The following PTPRD variants were observed in gnomAD, a reference collection of about 807,000 sequenced individuals.
PTPRD encodes receptor-type tyrosine-protein phosphatase delta.
A neutral mutation model predicts 214.5 loss-of-function variants in PTPRD; 34 were observed. The ratio of observed to expected loss-of-function variants is 0.16; its 90% CI spans 0.12 to 0.21. The LOEUF (loss-of-function observed/expected upper bound fraction) is 0.21. PTPRD is among the 10% of genes least tolerant of loss of function. PTPRD has a pLI of 1.00. For synonymous variants in PTPRD, 1,128 were observed against 845.7 expected (o/e 1.33, Z -5.79); for missense variants, 2,545 against 2,398.7 (o/e 1.06, Z -1.27).
rs574341623 is a variant in PTPRD at position 8,703,635 on chromosome 9, A to G, written c.64+30145T>C. On this transcript the variant is annotated intron_variant, in intron 12 of 45. Coordinates refer to ENST00000381196, the MANE Select transcript of PTPRD (RefSeq NM_002839.4). ...CCCTCGACTTCTCATCCTCACCTCT[A>G]TTAATTCTATTAACTGGGGAACCCA... 3.3e-5 allele frequency among the ~76,000 whole-genome samples: 5 copies of G among 152,130 alleles called. No homozygotes were observed. In the South Asian group the frequency reaches 1.0e-3, roughly 32 times the overall value.
intron 4 of PTPRD, among the ~76,000 whole-genome samples, chr9:9,946,743 C>T (rs1032847167): frequency 2.6e-5 from 4 of 152,034 alleles, no homozygotes; most frequent in African/African-American, 9.7e-5. Flanking sequence ...TAACAGACAT[C>T]TAAGCTCTAA....
intron 3 of PTPRD, among the ~76,000 whole-genome samples, chr9:10,063,741 T>C (rs540252445): frequency 1.3e-5 from 2 of 152,118 alleles, no homozygotes; most frequent in Admixed American, 1.3e-4. Flanking sequence ...AGGTGAAAAG[T>C]ACTCCACATT....
At chr9:10,189,929 G>A (rs1175782716) in intron 3 of PTPRD, among the ~76,000 whole-genome samples, 2 of 152,104 alleles carry the variant, frequency 1.3e-5, no homozygotes, top group East Asian at 1.9e-4. Context: ...GAGCACGGAA[G>A]AGAAAGCAAG....
At chr9:9,487,578 A>T (rs2095705653) in intron 8 of PTPRD, among the ~76,000 whole-genome samples, 1 of 151,944 alleles carries the variant, frequency 6.6e-6, no homozygotes, top group South Asian at 2.1e-4. Context: ...AAAAAATCTT[A>T]GTTTTTCATT....
intron 2 of PTPRD, among the ~76,000 whole-genome samples, chr9:10,457,054 T>C (rs78449078): frequency 0.012 from 1,781 of 152,084 alleles, 33 homozygotes; most frequent in African/African-American, 0.039. Flanking sequence ...AAATATTGTA[T>C]ATTATACACA....
rs566121243 is a variant in PTPRD at position 9,634,042 on chromosome 9, T to C, written c.-286-59261A>G. 3.1e-4 allele frequency among the ~76,000 whole-genome samples: 47 copies of C among 152,258 alleles called. 1 individual carries two copies. In the South Asian group the frequency reaches 9.7e-3, roughly 32 times the overall value. ...GATATAGACAGCACATATCAGATCTTAATTCTTTTTATTTTTTACTTAAAA... is the reference window on the plus strand; with the variant it reads ...GATATAGACAGCACATATCAGATCTCAATTCTTTTTATTTTTTACTTAAAA... On this transcript the variant is annotated intron_variant, in intron 7 of 45. Transcript: ENST00000381196.
intron 11 of PTPRD, among the ~76,000 whole-genome samples, chr9:8,947,797 C>G (rs1175463562): frequency 6.6e-6 from 1 of 152,090 alleles, no homozygotes; most frequent in Non-Finnish European, 1.5e-5. Context: ...CAGGATACAA[C>G]AGACGTATTT....
At chr9:10,434,666 G>A (rs992014860) in intron 2 of PTPRD, among the ~76,000 whole-genome samples, 1 of 151,906 alleles carries the variant, frequency 6.6e-6, no homozygotes, top group African/African-American at 2.4e-5. Flanking sequence ...GAAAACAGCA[G>A]GAGTTAAATA....
intron 10 of PTPRD, among the ~76,000 whole-genome samples, chr9:9,063,644 A>G (rs1024487537): frequency 1.3e-5 from 2 of 152,204 alleles, no homozygotes; most frequent in African/African-American, 4.8e-5. Context: ...CAGGGCTCAA[A>G]AACATACAGT....
At chr9:9,609,814 G>A (rs2154343879) in intron 7 of PTPRD, among the ~76,000 whole-genome samples, 1 of 152,298 alleles carries the variant, frequency 6.6e-6, no homozygotes, top group Non-Finnish European at 1.5e-5. Context: ...ACCAAATCCT[G>A]TTAGGCTGGT....
rs375255010 is a variant in PTPRD, at chr9:10,504,064, C to A, written c.-600+108334G>T. Among the ~76,000 whole-genome samples the A allele has an allele frequency of 2.1e-4, 27 of 129,574 alleles. No individual in the cohort carries two copies. In the South Asian group the frequency reaches 7.0e-3, roughly 33 times the overall value. The allele number at this position is 129,574 out of a possible 152,430, so 85.0% of individuals were successfully genotyped here. The stretch of plus-strand genomic sequence containing the variant: ...CCGGGAGGCAGAGCTTGCAGTGAGC[C>A]GAGATCGCGCCACTGCACTCCAGCA... On this transcript the variant is annotated intron_variant, in intron 2 of 45. Coordinates refer to ENST00000381196, the MANE Select transcript of PTPRD (RefSeq NM_002839.4).
intron 43 of PTPRD, 57 bp downstream of exon 43, chr9:8,338,865 G>GAGAGAGAGAGAGAGAGAT: frequency 6.6e-7 from 1 of 1,505,916 alleles, no homozygotes; most frequent in Non-Finnish European, 9.0e-7. Context: ...GAGAGAGAGA[G>GAGAGAGAGAGAGAGAGAT]GTATCTTAGA....
chr9:8,330,150 C>T (rs1286420713), intron 44 of PTPRD, among the ~76,000 whole-genome samples: 5 of 152,120 alleles, frequency 3.3e-5, no homozygotes, highest in South Asian at 4.1e-4. Context: ...ACCCCTTGTG[C>T]TTCCTGGGTG....
intron 5 of PTPRD, among the ~76,000 whole-genome samples, chr9:9,776,179 G>C (rs1488924299): frequency 1.3e-5 from 2 of 152,028 alleles, no homozygotes; most frequent in Non-Finnish European, 2.9e-5. Flanking sequence ...GAATATGTAT[G>C]TTCTCTTTCA....
chr9:10,060,376 CCCGTTAAAA>C (rs1300338567), intron 3 of PTPRD, among the ~76,000 whole-genome samples: 6 of 152,012 alleles, frequency 3.9e-5, no homozygotes, highest in Non-Finnish European at 7.4e-5. Flanking sequence ...CAAACTCTTT[CCCGTTAAAA>C]TAACACAACG....
At chr9:8,321,349 C>G (rs1192101283) in intron 44 of PTPRD, among the ~76,000 whole-genome samples, 5 of 151,234 alleles carry the variant, frequency 3.3e-5, no homozygotes, top group African/African-American at 1.2e-4. Context: ...AGACATTGGA[C>G]TCACAACTTT....
At chr9:9,896,006 C>A (rs1324427822) in intron 5 of PTPRD, among the ~76,000 whole-genome samples, 1 of 152,036 alleles carries the variant, frequency 6.6e-6, no homozygotes, top group Non-Finnish European at 1.5e-5. Flanking sequence ...CCGTTTGTCA[C>A]AGTTCGTCTA....
intron 5 of PTPRD, among the ~76,000 whole-genome samples, chr9:9,890,269 C>G (rs576835328): frequency 6.6e-6 from 1 of 152,096 alleles, no homozygotes; most frequent in Admixed American, 6.5e-5. Context: ...ACGATCCTGG[C>G]TCACTGTAGC....
intron 13 of PTPRD, among the ~76,000 whole-genome samples, chr9:8,635,583 C>G (rs2096404591): frequency 6.6e-6 from 1 of 151,928 alleles, no homozygotes; most frequent in African/African-American, 2.4e-5. Flanking sequence ...CATTTGAACC[C>G]CTGATCACCC....
Sources: gnomAD v4.1 joint callset for allele counts (sites outside exome capture counted in the v4.1 genomes callset) on GRCh38, gnomAD v4.1.1 for gene constraint, MANE v1.5 for transcripts, NCBI Gene and HGNC (gene_info 2026-07-23, HGNC 2026-07-21) for gene names.